Variants in RANBP2 observed in about 807,000 individuals in gnomAD.
RANBP2 encodes the protein E3 SUMO-protein ligase RanBP2.
RANBP2 carries 57 observed loss-of-function variants against 303.6 expected under a neutral mutation model. The ratio of observed to expected loss-of-function variants is 0.19; its 90% CI spans 0.15 to 0.23. RANBP2 has a LOEUF of 0.23. RANBP2 is among the 10% of genes least tolerant of loss of function. The pLI is 1.00. For synonymous variants in RANBP2, 1,167 were observed against 1,301.5 expected (o/e 0.90, Z 2.23); for missense variants, 3,138 against 3,780.8 (o/e 0.83, Z 4.46).
the RANBP2 span, among the ~76,000 whole-genome samples, chr2:109,631,323 A>G: frequency 2.0e-5 from 3 of 152,236 alleles, no homozygotes; most frequent in South Asian, 2.1e-4. Flanking sequence ...ACTATTTCCT[A>G]TGAATTGGAA....
At chr2:109,493,828 G>A in the RANBP2 span, among the ~76,000 whole-genome samples, 38,802 of 151,896 alleles carry the variant, frequency 0.26, 5,307 homozygotes, top group East Asian at 0.5. Context: ...TACACAAATT[G>A]TACATCAAGC....
At chr2:109,694,475 C>A in the RANBP2 span, among the ~76,000 whole-genome samples, 3 of 150,708 alleles carry the variant, frequency 2.0e-5, no homozygotes, top group African/African-American at 7.3e-5. Context: ...ACAATCTCGG[C>A]TCACTGCAAC....
the RANBP2 span, among the ~76,000 whole-genome samples, chr2:109,525,557 G>A: frequency 6.6e-6 from 1 of 152,188 alleles, no homozygotes; most frequent in Non-Finnish European, 1.5e-5. Flanking sequence ...GTGGGCTGGT[G>A]ACGTGAACCC....
the RANBP2 span, among the ~76,000 whole-genome samples, chr2:109,225,117 GTCCCTTAAATTCC>G: frequency 4.5e-4 from 69 of 152,308 alleles, 1 homozygote; most frequent in African/African-American, 1.7e-3. Context: ...CACCAGCACA[GTCCCTTAAATTCC>G]CTGGCCTCAG....
chr2:109,057,368 C>G, the RANBP2 span, among the ~76,000 whole-genome samples: 1 of 152,162 alleles, frequency 6.6e-6, no homozygotes, highest in Non-Finnish European at 1.5e-5. Context: ...AATGTGATAT[C>G]TCAGATTATT....
the RANBP2 span, among the ~76,000 whole-genome samples, chr2:109,484,294 T>C: frequency 6.6e-6 from 1 of 152,162 alleles, no homozygotes. Context: ...CTCGAACTCC[T>C]GACCTGAGGT....
the RANBP2 span, chr2:108,897,168 G>C: frequency 4.3e-6 from 7 of 1,613,858 alleles, no homozygotes; most frequent in Middle Eastern, 1.6e-4. Context: ...AGTTGTACGT[G>C]GAGCTGAGCA....
the RANBP2 span, among the ~76,000 whole-genome samples, chr2:109,578,083 G>A: frequency 3.3e-5 from 5 of 152,002 alleles, no homozygotes; most frequent in Admixed American, 6.6e-5. Flanking sequence ...TAATGTGTAA[G>A]AGAACCACTA....
the RANBP2 span, chr2:109,129,610 G>A: frequency 6.7e-7 from 1 of 1,481,516 alleles, no homozygotes; most frequent in Non-Finnish European, 8.9e-7. Context: ...CGAGGGCGAC[G>A]AGGACAGGCC....
At chr2:109,561,626 C>A in the RANBP2 span, among the ~76,000 whole-genome samples, 2 of 152,140 alleles carry the variant, frequency 1.3e-5, no homozygotes, top group African/African-American at 4.8e-5. Flanking sequence ...AAACTCTTCA[C>A]CTGAATATTT....
chr2:109,496,280 A>G, the RANBP2 span, among the ~76,000 whole-genome samples: 1 of 152,136 alleles, frequency 6.6e-6, no homozygotes, highest in Non-Finnish European at 1.5e-5. Context: ...CTTGCTAGCT[A>G]CAGAGCGCTG....
the RANBP2 span, among the ~76,000 whole-genome samples, chr2:109,298,123 T>C: frequency 6.6e-6 from 1 of 152,006 alleles, no homozygotes; most frequent in African/African-American, 2.4e-5. Context: ...CAGAGGTGAA[T>C]AGGGCATTGT....
At chr2:109,618,733 T>C in the RANBP2 span, 2 of 167,050 alleles carry the variant, frequency 1.2e-5, no homozygotes, top group African/African-American at 4.8e-5. Context: ...TATGAGACTA[T>C]GTGGTTAAAA....
chr2:109,478,147 C>T, the RANBP2 span, among the ~76,000 whole-genome samples: 4 of 152,362 alleles, frequency 2.6e-5, 1 homozygote, highest in African/African-American at 9.6e-5. Flanking sequence ...GATTGGAGGC[C>T]GCCTTTGGGG....
the RANBP2 span, among the ~76,000 whole-genome samples, chr2:109,689,649 C>T: frequency 6.6e-6 from 1 of 152,224 alleles, no homozygotes; most frequent in African/African-American, 2.4e-5. Context: ...TTTCCCGCTA[C>T]ATTCTGGTTC....
At chr2:109,199,363 T>C in the RANBP2 span, among the ~76,000 whole-genome samples, 1 of 14,446 alleles carries the variant, frequency 6.9e-5, no homozygotes, top group Non-Finnish European at 2.2e-4. Context: ...TGGAATGGAA[T>C]GGAATGGAAT....
intron 5 of RANBP2, 36 bp downstream of exon 5, chr2:108,735,798 T>C (rs1695533630): frequency 6.3e-7 from 1 of 1,597,590 alleles, no homozygotes; most frequent in East Asian, 2.2e-5. Flanking sequence ...CATTTCTATG[T>C]AGGCAATTAG....
chr2:108,752,630 AAAAAAAG>A (rs1417548874), intron 12 of RANBP2, among the ~76,000 whole-genome samples: 5,222 of 143,340 alleles, frequency 0.036, 341 homozygotes, highest in African/African-American at 0.13. Context: ...AAAAAAAAAA[AAAAAAAG>A]AAAAAATTAG....
chr2:109,655,102 C>T, the RANBP2 span, among the ~76,000 whole-genome samples: 5 of 152,176 alleles, frequency 3.3e-5, no homozygotes, highest in Admixed American at 1.3e-4. Flanking sequence ...GGGGTTTCAC[C>T]ATCTTGGCCA....
Sources: allele counts gnomAD v4.1 joint callset (sites outside exome capture counted in the v4.1 genomes callset), GRCh38; gene constraint gnomAD v4.1.1; transcripts MANE v1.5; gene names NCBI Gene and HGNC (gene_info 2026-07-23, HGNC 2026-07-21).